The following TENM2 variants were observed in gnomAD, a reference collection of about 807,000 sequenced individuals.
TENM2 encodes teneurin-2.
Under a neutral mutation model 245.2 loss-of-function variants are expected in TENM2, and 52 were observed. The ratio of observed to expected loss-of-function variants is 0.21; its 90% CI spans 0.17 to 0.27. The LOEUF is 0.27. Among genes scored for constraint, TENM2 ranks in the 10% least tolerant of loss-of-function variants. The pLI is 1.00. For missense variants in TENM2, 3,046 were observed against 3,666.8 expected (o/e 0.83, Z 4.37); for synonymous variants, 1,363 against 1,438.9 (o/e 0.95, Z 1.19).
chr5:167,980,338 G>T (rs1430173510), intron 4 of TENM2, among the ~76,000 whole-genome samples: 1 of 152,164 alleles, frequency 6.6e-6, no homozygotes, highest in African/African-American at 2.4e-5. Context: ...GATGGGAAAG[G>T]CTGATCAAGA....
At chr5:168,156,247 TAAAAAAA>T (rs58825054) in intron 12 of TENM2, among the ~76,000 whole-genome samples, 3 of 80,794 alleles carry the variant, frequency 3.7e-5, no homozygotes, top group African/African-American at 1.7e-4. Context: ...TCCCCATAGT[TAAAAAAA>T]AAAAAAAAAA....
intron 9 of TENM2, among the ~76,000 whole-genome samples, chr5:168,110,039 CTTTTTTTT>C (rs5873091): frequency 8.2e-6 from 1 of 121,896 alleles, no homozygotes; most frequent in Non-Finnish European, 1.7e-5. Flanking sequence ...AAGAACCCTT[CTTTTTTTT>C]TTTTTTTTTT....
At chr5:167,766,749 C>A (rs1763051813) in intron 2 of TENM2, among the ~76,000 whole-genome samples, 1 of 151,996 alleles carries the variant, frequency 6.6e-6, no homozygotes, top group Non-Finnish European at 1.5e-5. Flanking sequence ...TGTTGTGATG[C>A]ATTCCTGTAA....
chr5:168,222,467 C>G (rs1037315449), intron 23 of TENM2, among the ~76,000 whole-genome samples: 3 of 152,148 alleles, frequency 2.0e-5, no homozygotes, highest in African/African-American at 7.2e-5. Context: ...AGTTGACTTC[C>G]CATGGTGTGG....
intron 2 of TENM2, among the ~76,000 whole-genome samples, chr5:167,399,193 A>C (rs1369584297): frequency 6.6e-6 from 1 of 152,170 alleles, no homozygotes; most frequent in Non-Finnish European, 1.5e-5. Flanking sequence ...AAGGAAAGGG[A>C]GTTAAATATT....
chr5:167,375,633 AC>A (rs1327288041), intron 2 of TENM2, among the ~76,000 whole-genome samples, 160 bp downstream of exon 4: 4 of 152,110 alleles, frequency 2.6e-5, no homozygotes, highest in African/African-American at 7.2e-5. Context: ...TAAACCAGCA[AC>A]CCTCCAGCAC....
chr5:167,480,403 T>G (rs1030503340), intron 2 of TENM2, among the ~76,000 whole-genome samples: 1 of 152,210 alleles, frequency 6.6e-6, no homozygotes, highest in African/African-American at 2.4e-5. Flanking sequence ...TTGTAGAAAT[T>G]TCCATCTCAT....
intron 2 of TENM2, among the ~76,000 whole-genome samples, chr5:167,698,169 T>C (rs951157033): frequency 6.6e-6 from 1 of 152,242 alleles, no homozygotes; most frequent in African/African-American, 2.4e-5. Flanking sequence ...TAACTTGAGC[T>C]CTTTTCCTTA....
intron 2 of TENM2, among the ~76,000 whole-genome samples, chr5:167,507,129 A>G (rs917676392): frequency 1.3e-5 from 2 of 152,210 alleles, no homozygotes; most frequent in African/African-American, 2.4e-5. Flanking sequence ...TGGTAAACCA[A>G]TTGTAATCTT....
chr5:167,186,094 A>G, the TENM2 span, among the ~76,000 whole-genome samples: 7 of 152,154 alleles, frequency 4.6e-5, no homozygotes, highest in Non-Finnish European at 7.3e-5. Context: ...AATTCAGCCA[A>G]TGGCCCAGAA....
chr5:167,080,302 C>T, the TENM2 span, among the ~76,000 whole-genome samples: 4 of 151,748 alleles, frequency 2.6e-5, no homozygotes, highest in South Asian at 2.1e-4. Context: ...GTGTTGGTGA[C>T]GGTGTGGTAT....
At chr5:168,061,957 TA>T in intron 6 of TENM2, 102 bp from the exon 9 acceptor site, 1 of 1,065,880 alleles carries the variant, frequency 9.4e-7, no homozygotes, top group Non-Finnish European at 1.3e-6. Flanking sequence ...ATCTTAATAT[TA>T]AAACAACAAC....
chr5:167,026,517 C>A, the TENM2 span, among the ~76,000 whole-genome samples: 281 of 152,334 alleles, frequency 1.8e-3, 1 homozygote, highest in African/African-American at 6.3e-3. Flanking sequence ...ATACCTCTCA[C>A]ACTTCTGTCT....
At chr5:168,195,056 A>T in intron 14 of TENM2, 120 bp from the exon 17 acceptor site, 3 of 1,159,708 alleles carry the variant, frequency 2.6e-6, no homozygotes, top group Non-Finnish European at 3.7e-6. Context: ...GCCAGAAGTT[A>T]ATGTTGAAAG....
chr5:167,890,942 G>A (rs1053444903), intron 3 of TENM2, among the ~76,000 whole-genome samples: 4 of 152,062 alleles, frequency 2.6e-5, no homozygotes, highest in African/African-American at 9.7e-5. Context: ...AGATGTAGAA[G>A]GTATTATTAT....
At chr5:167,682,431 G>A (rs1025564178) in intron 2 of TENM2, among the ~76,000 whole-genome samples, 5 of 151,970 alleles carry the variant, frequency 3.3e-5, no homozygotes, top group Admixed American at 6.6e-5. Context: ...CCAAACTGTT[G>A]GGATTACAGG....
intron 23 of TENM2, among the ~76,000 whole-genome samples, chr5:168,224,302 C>A (rs77150539): frequency 1.3e-5 from 2 of 152,124 alleles, no homozygotes; most frequent in South Asian, 4.1e-4. Context: ...CGAGTGATAG[C>A]GGTGGATCCT....
chr5:167,981,995 A>G (rs1414787990), intron 4 of TENM2, among the ~76,000 whole-genome samples: 1 of 149,000 alleles, frequency 6.7e-6, no homozygotes, highest in Admixed American at 6.7e-5. Context: ...AAAAAAAAAA[A>G]GAAAAAAGAA....
the TENM2 span, among the ~76,000 whole-genome samples, chr5:167,044,897 G>A: frequency 1.3e-5 from 2 of 152,200 alleles, no homozygotes; most frequent in Admixed American, 6.5e-5. Context: ...AGGCAAAACC[G>A]AGTGTGGACA....
Sources: gnomAD v4.1 joint callset for allele counts (sites outside exome capture counted in the v4.1 genomes callset) on GRCh38, gnomAD v4.1.1 for gene constraint, MANE v1.5 for transcripts, NCBI Gene and HGNC (gene_info 2026-07-23, HGNC 2026-07-21) for gene names.